The following CSMD1 variants were observed in gnomAD, a reference collection of about 807,000 sequenced individuals.
CSMD1 encodes the protein CUB and sushi domain-containing protein 1.
A neutral mutation model predicts 417.5 loss-of-function variants in CSMD1; 213 were observed. The observed-to-expected ratio is 0.51, with a 90% confidence interval of 0.46 to 0.57. The LOEUF is 0.57. Ranked by LOEUF, CSMD1 falls within the 20% of genes least tolerant of loss-of-function variation. The pLI is 0.00. For synonymous variants in CSMD1, 2,862 were observed against 1,736.8 expected, an observed-to-expected ratio of 1.65 and a Z score of -16.11; for missense variants, 6,923 against 4,529.7, an observed-to-expected ratio of 1.53 and a Z score of -15.17.
Position 4,198,221 on chromosome 8 carries a change from T to G in CSMD1, c.416-166122A>C, listed in dbSNP as rs561216671. Among the ~76,000 whole-genome samples, 84 of 152,122 alleles carry G rather than the reference T, an allele frequency of 5.5e-4. 1 individual carries two copies. In the South Asian group the frequency reaches 0.012, roughly 23 times the overall value. On this transcript the variant is annotated intron_variant, in intron 3 of 69. Transcript: ENST00000635120. ...GTCCAAGGTAGCAAATACAAAGAGG[T>G]GCGGAGCACCACATCCCATTAAGTT...
At position 3,408,122 on chromosome 8, in the gene CSMD1, C is replaced by T. The variant is rs377296703; in HGVS notation, c.1848G>A (p.Ser616=). Residue 616 remains serine, a synonymous_variant, in exon 14 of 70, where the codon TCG becomes TCA. Coordinates refer to ENST00000635120, the MANE Select transcript of CSMD1 (RefSeq NM_033225.6). ...NNMNCVWLII[S]EPGSRIHLIF... Reference sequence around the variant, plus strand: ...TTAGGTGAATTCGACTTCCTGGCTCCGAGATAATCAACCAGACACAGTTCA... The same window carrying T: ...TTAGGTGAATTCGACTTCCTGGCTCTGAGATAATCAACCAGACACAGTTCA... The T allele has an allele frequency of 4.9e-5, 79 of 1,613,642 alleles. No homozygotes were observed. Among genetic ancestry groups the T allele is most frequent in the Middle Eastern group, 1.6e-4 (1 of 6,062 alleles).
intron 1 of CSMD1, among the ~76,000 whole-genome samples, chr8:4,782,586 C>T (rs1797208787): frequency 6.6e-6 from 1 of 152,134 alleles, no homozygotes; most frequent in Non-Finnish European, 1.5e-5. Flanking sequence ...ACCTACATTT[C>T]ACATTCTTTG....
chr8:4,303,420 CTGTTTTTTTTTTTTT>C (rs1798085495), intron 3 of CSMD1, among the ~76,000 whole-genome samples: 16 of 92,308 alleles, frequency 1.7e-4, no homozygotes, highest in Middle Eastern at 8.2e-3. Context: ...GGGCAGGAAG[CTGTTTTTTTTTTTTT>C]TTTTTTTTTT....
At chr8:4,936,283 A>T (rs1268202470) in intron 1 of CSMD1, among the ~76,000 whole-genome samples, 1 of 152,196 alleles carries the variant, frequency 6.6e-6, no homozygotes, top group African/African-American at 2.4e-5. Flanking sequence ...TTGAAATTTC[A>T]ATTTTAAAAT....
chr8:3,803,732 G>A (rs574100392), intron 5 of CSMD1, among the ~76,000 whole-genome samples: 1 of 152,158 alleles, frequency 6.6e-6, no homozygotes, highest in African/African-American at 2.4e-5. Context: ...CAGATTGGAA[G>A]CCAGTGACGA....
At chr8:4,955,211 G>T (rs1028584322) in intron 1 of CSMD1, among the ~76,000 whole-genome samples, 2 of 152,094 alleles carry the variant, frequency 1.3e-5, no homozygotes, top group Non-Finnish European at 2.9e-5. Context: ...CCATTCGTGT[G>T]CACAGAAGTT....
intron 3 of CSMD1, among the ~76,000 whole-genome samples, chr8:4,358,781 TTG>T (rs1265475535): frequency 6.6e-6 from 1 of 152,140 alleles, no homozygotes; most frequent in Non-Finnish European, 1.5e-5. Flanking sequence ...CAATAAAGCT[TTG>T]TCAGCCAAGG....
In CSMD1 at chr8:4,420,030, C is replaced by G. The variant is rs762188659; in HGVS notation, c.338G>C (p.Ser113Thr). Residue 113 changes from serine to threonine, a missense_variant, in exon 3 of 70, where the codon AGT (serine) becomes ACT (threonine). Transcript: ENST00000635120. ...SGFQLPSSIVSTGSILTLWFT... is the reference protein window; with the variant it reads ...SGFQLPSSIVTTGSILTLWFT... ...CCACAGAGTGAGGATAGATCCTGTA[C>G]TCACTATAGAGGAGGGCAGCTGAAA... is the stretch of plus-strand genomic sequence containing the variant. The G allele has an allele frequency of 1.6e-5, 25 of 1,580,064 alleles. No individual in the cohort carries two copies. Among genetic ancestry groups the G allele is most frequent in the South Asian group, 2.3e-5 (2 of 86,080 alleles).
At chr8:3,527,467 G>T (rs1315948865) in intron 10 of CSMD1, among the ~76,000 whole-genome samples, 2 of 152,140 alleles carry the variant, frequency 1.3e-5, no homozygotes, top group Non-Finnish European at 2.9e-5. Flanking sequence ...GGCGAGGGTG[G>T]GATGTCACTA....
chr8:4,258,834 C>T (rs537732276), intron 3 of CSMD1, among the ~76,000 whole-genome samples: 61 of 152,172 alleles, frequency 4.0e-4, no homozygotes, highest in African/African-American at 1.4e-3. Flanking sequence ...GATCAGGAGC[C>T]CCACTCCTCA....
chr8:4,505,213 G>A (rs750655942), intron 2 of CSMD1, among the ~76,000 whole-genome samples: 5 of 152,080 alleles, frequency 3.3e-5, no homozygotes, highest in African/African-American at 4.8e-5. Context: ...TCCAGTTAGA[G>A]GTCTTGATTT....
chr8:4,512,718 A>G (rs1285017149), intron 2 of CSMD1, among the ~76,000 whole-genome samples: 1 of 152,114 alleles, frequency 6.6e-6, no homozygotes, highest in Non-Finnish European at 1.5e-5. Flanking sequence ...ATACTTAGAT[A>G]TAAATCTAGC....
intron 2 of CSMD1, among the ~76,000 whole-genome samples, chr8:4,543,612 A>G (rs560566275): frequency 6.3e-4 from 91 of 144,230 alleles, no homozygotes; most frequent in Non-Finnish European, 1.0e-3. Context: ...ATAAGTTTCA[A>G]TTCATTTCAG....
intron 4 of CSMD1, among the ~76,000 whole-genome samples, chr8:4,010,937 C>A (rs1816491561): frequency 6.6e-6 from 1 of 152,130 alleles, no homozygotes; most frequent in South Asian, 2.1e-4. Flanking sequence ...CCTACATTGG[C>A]CCATAATGAT....
chr8:4,432,143 A>G (rs1490897358), intron 2 of CSMD1, among the ~76,000 whole-genome samples: 1 of 152,228 alleles, frequency 6.6e-6, no homozygotes, highest in African/African-American at 2.4e-5. Flanking sequence ...TTGCTAAAGC[A>G]TGCATGGATT....
intron 2 of CSMD1, among the ~76,000 whole-genome samples, chr8:4,545,289 G>C (rs1423499941): frequency 6.6e-6 from 1 of 152,138 alleles, no homozygotes; most frequent in African/African-American, 2.4e-5. Flanking sequence ...TGAAATACTT[G>C]TTGCAAAATG....
At chr8:3,531,759 G>C (rs143400079) in intron 10 of CSMD1, among the ~76,000 whole-genome samples, 1 of 152,214 alleles carries the variant, frequency 6.6e-6, no homozygotes, top group Admixed American at 6.5e-5. Context: ...ACAAAGAGCA[G>C]CCTGGAAGAT....
At chr8:3,665,217 G>C (rs1293615412) in intron 7 of CSMD1, among the ~76,000 whole-genome samples, 1 of 152,058 alleles carries the variant, frequency 6.6e-6, no homozygotes, top group African/African-American at 2.4e-5. Context: ...ATATTGTTTT[G>C]CTAAATAAAA....
chr8:4,619,570 G>A (rs1585341070), intron 2 of CSMD1, among the ~76,000 whole-genome samples: 1 of 152,200 alleles, frequency 6.6e-6, no homozygotes, highest in Admixed American at 6.5e-5. Context: ...GTGTTTTGAT[G>A]ATTTGCTCAC....
Sources: allele counts gnomAD v4.1 joint callset (sites outside exome capture counted in the v4.1 genomes callset), GRCh38; gene constraint gnomAD v4.1.1; transcripts MANE v1.5; gene names NCBI Gene and HGNC (gene_info 2026-07-23, HGNC 2026-07-21).